The following PHACTR1 variants were observed in gnomAD, a reference collection of about 807,000 sequenced individuals.
PHACTR1 encodes the protein RPEL repeat containing 1.
In PHACTR1, 16 loss-of-function variants were observed where a neutral mutation model predicts 69.2. That is an observed-to-expected ratio of 0.23 (90% confidence interval 0.16 to 0.35). The LOEUF is 0.35. Among genes scored for constraint, PHACTR1 ranks in the 10% least tolerant of loss-of-function variants. PHACTR1 has a pLI of 1.00. For synonymous variants in PHACTR1, 312 were observed against 284.5 expected, an observed-to-expected ratio of 1.10 and a Z score of -0.97; for missense variants, 510 against 734.7, an observed-to-expected ratio of 0.69 and a Z score of 3.54.
intron 4 of PHACTR1, among the ~76,000 whole-genome samples, chr6:13,027,036 G>A (rs1219482382): frequency 6.6e-6 from 1 of 152,212 alleles, no homozygotes; most frequent in Non-Finnish European, 1.5e-5. Flanking sequence ...CTGCAATACA[G>A]CTAAATCCAT....
intron 4 of PHACTR1, among the ~76,000 whole-genome samples, chr6:12,919,067 A>T (rs937280297): frequency 9.9e-5 from 15 of 152,174 alleles, no homozygotes; most frequent in African/African-American, 3.4e-4. Context: ...AGCTCAAGTG[A>T]TCCACTTGCC....
intron 5 of PHACTR1, among the ~76,000 whole-genome samples, chr6:13,069,974 A>T (rs1327887133): frequency 6.6e-6 from 1 of 152,192 alleles, no homozygotes; most frequent in Non-Finnish European, 1.5e-5. Flanking sequence ...CCATGGTCGC[A>T]CTGGACTCAG....
chr6:13,252,629 G>A (rs1774634744), intron 10 of PHACTR1, among the ~76,000 whole-genome samples: 1 of 141,026 alleles, frequency 7.1e-6, no homozygotes, highest in African/African-American at 2.6e-5. Context: ...AAAAAAAAAA[G>A]TTTTGGGGGA....
intron 4 of PHACTR1, among the ~76,000 whole-genome samples, chr6:12,892,862 T>C (rs1441393361): frequency 6.6e-6 from 1 of 152,182 alleles, no homozygotes; most frequent in Non-Finnish European, 1.5e-5. Context: ...TCATCATTGA[T>C]AGGGAGAATA....
chr6:13,101,900 C>T (rs995485680), intron 5 of PHACTR1, among the ~76,000 whole-genome samples: 2 of 152,118 alleles, frequency 1.3e-5, no homozygotes, highest in African/African-American at 4.8e-5. Context: ...ATGGAGGGAG[C>T]CTCGTGGGTA....
In PHACTR1 at chr6:12,736,255, A is replaced by G. The variant is rs181622415; in HGVS notation, c.104-13389A>G. 2.6e-3 allele frequency among the ~76,000 whole-genome samples: 391 copies of G among 152,346 alleles called. 1 individual carries two copies. The highest frequency in any genetic ancestry group is 9.2e-3 in the African/African-American group (382 of 41,580). The stretch of plus-strand genomic sequence containing the variant: ...ATTATAGTTAATGATATTCATCCCC[A>G]TCATTTACATTTTGTAGCTTTTCAT... On this transcript the variant is annotated intron_variant, in intron 3 of 14. Transcript: ENST00000332995.
intron 7 of PHACTR1, among the ~76,000 whole-genome samples, chr6:13,202,877 G>A (rs1206788205): frequency 6.6e-6 from 1 of 152,244 alleles, no homozygotes; most frequent in Non-Finnish European, 1.5e-5. Context: ...GAACTAGCTA[G>A]CCTGCCTGTT....
chr6:12,992,796 A>C (rs1562104399), intron 4 of PHACTR1, among the ~76,000 whole-genome samples: 1 of 152,188 alleles, frequency 6.6e-6, no homozygotes, highest in Non-Finnish European at 1.5e-5. Context: ...TTCTGTGGTG[A>C]AATGCCCGGG....
At chr6:12,937,918 C>T (rs1206115805) in intron 4 of PHACTR1, among the ~76,000 whole-genome samples, 22 of 152,086 alleles carry the variant, frequency 1.4e-4, no homozygotes, top group Admixed American at 1.2e-3. Flanking sequence ...ATGGCCAACA[C>T]GTGAAATCCC....
At chr6:13,064,744 G>A (rs995781161) in intron 5 of PHACTR1, among the ~76,000 whole-genome samples, 1 of 149,718 alleles carries the variant, frequency 6.7e-6, no homozygotes, top group African/African-American at 2.5e-5. Flanking sequence ...GCGTGGTCTG[G>A]GACCCTAGGT....
At chr6:13,118,012 C>T (rs1179967947) in intron 5 of PHACTR1, among the ~76,000 whole-genome samples, 1 of 152,162 alleles carries the variant, frequency 6.6e-6, no homozygotes, top group South Asian at 2.1e-4. Flanking sequence ...CTCCTTAAAT[C>T]AATATTTAGT....
rs370676450 is a variant in PHACTR1 at position 13,055,513 on chromosome 6, G to A, written c.415+1984G>A. Among the ~76,000 whole-genome samples the A allele has an allele frequency of 1.8e-4, 28 of 152,222 alleles. No homozygotes were observed. The East Asian group carries it at 3.5e-3, about 19-fold the overall frequency. Reference sequence around the variant, plus strand: ...GAAAGAAAATGGGAGTGTTTTGTAAGCATTGAAAAAAATATATATATATAA... The same window carrying A: ...GAAAGAAAATGGGAGTGTTTTGTAAACATTGAAAAAAATATATATATATAA... On this transcript the variant is annotated intron_variant, in intron 5 of 14. Coordinates refer to ENST00000332995, the MANE Select transcript of PHACTR1 (RefSeq NM_030948.6).
At chr6:12,892,196 CAGTT>C (rs1784227885) in intron 4 of PHACTR1, among the ~76,000 whole-genome samples, 1 of 151,262 alleles carries the variant, frequency 6.6e-6, no homozygotes, top group Non-Finnish European at 1.5e-5. Context: ...CAGTTTCACT[CAGTT>C]TGAATTTTCT....
chr6:12,916,251 T>C (rs553022094), intron 4 of PHACTR1, among the ~76,000 whole-genome samples: 1 of 152,328 alleles, frequency 6.6e-6, no homozygotes, highest in South Asian at 2.1e-4. Flanking sequence ...GCCTCATCTT[T>C]CAGTTCCCAT....
chr6:13,152,698 T>C (rs931063327), intron 5 of PHACTR1, among the ~76,000 whole-genome samples: 1 of 152,240 alleles, frequency 6.6e-6, no homozygotes, highest in African/African-American at 2.4e-5. Flanking sequence ...TGGTGTGTTT[T>C]AAACTGGAGA....
chr6:13,105,317 T>G (rs1815917882), intron 5 of PHACTR1, among the ~76,000 whole-genome samples: 1 of 151,980 alleles, frequency 6.6e-6, no homozygotes. Flanking sequence ...GGGTTGAGGC[T>G]ACAGTGAGCC....
At chr6:13,166,546 G>A (rs1055847066) in intron 6 of PHACTR1, among the ~76,000 whole-genome samples, 3 of 152,084 alleles carry the variant, frequency 2.0e-5, no homozygotes, top group East Asian at 1.9e-4. Flanking sequence ...CTGCACCGGC[G>A]AAATCCAGAA....
chr6:12,839,712 G>A (rs187640575), intron 4 of PHACTR1, among the ~76,000 whole-genome samples: 2 of 152,262 alleles, frequency 1.3e-5, no homozygotes. Flanking sequence ...CAGTGAGTTC[G>A]CCCTTATGCA....
chr6:13,182,050 A>G (rs1346457737), intron 6 of PHACTR1, among the ~76,000 whole-genome samples: 2 of 152,182 alleles, frequency 1.3e-5, no homozygotes, highest in African/African-American at 2.4e-5. Context: ...CCTGACCAAC[A>G]TGGAGAAACT....
Sources: allele counts gnomAD v4.1 joint callset (sites outside exome capture counted in the v4.1 genomes callset), GRCh38; gene constraint gnomAD v4.1.1; transcripts MANE v1.5; gene names NCBI Gene and HGNC (gene_info 2026-07-23, HGNC 2026-07-21).